Variants in HFE observed in about 807,000 individuals in gnomAD.
HFE encodes hereditary hemochromatosis protein.
HFE carries 36 observed loss-of-function variants against 40.9 expected under a neutral mutation model. The observed-to-expected ratio is 0.88, with a 90% CI of 0.67 to 1.16. The LOEUF is 1.16. HFE is among the 50% of genes most tolerant of loss of function. HFE has a pLI of 0.00. For missense variants in HFE, 376 were observed against 432.0 expected (o/e 0.87, Z 1.15); for synonymous variants, 157 against 165.4 (o/e 0.95, Z 0.39).
Position 26,092,674 on chromosome 6 carries a change from T to C in HFE, c.617-11T>C. On this transcript the variant is annotated splice_polypyrimidine_tract_variant and intron_variant, in intron 3 of 5. Transcript: ENST00000357618. Reference sequence around the variant, plus strand: ...GATCCCCTCTCCTCATCCTTCCTCTTTCCTGTCAAGTGCCTCCTTTGGTGA... The same window carrying C: ...GATCCCCTCTCCTCATCCTTCCTCTCTCCTGTCAAGTGCCTCCTTTGGTGA... 3.7e-6 allele frequency: 6 copies of C among 1,614,182 alleles called. No homozygotes were observed. Among genetic ancestry groups the C allele is most frequent in the Non-Finnish European group, 5.1e-6 (6 of 1,180,016 alleles).
chr6:26,094,310 A>G lies in HFE; in HGVS notation c.*84A>G. 1 of 1,271,798 alleles carries G rather than the reference A, an allele frequency of 7.9e-7. No individual in the cohort carries two copies. Among genetic ancestry groups the G allele is most frequent in the South Asian group, 1.2e-5 (1 of 83,262 alleles). 78.8% of individuals were successfully genotyped at this position (1,271,798 alleles called of 1,614,324 possible). A position where few individuals can be genotyped will look rare whatever the true frequency, so the allele number is the denominator to read the frequency against. ...TGCATTTATGAGCTCTTCATGTTTCAGGAGAGAGTTGAACCTAAACATAGA... is the reference window on the plus strand; with the variant it reads ...TGCATTTATGAGCTCTTCATGTTTCGGGAGAGAGTTGAACCTAAACATAGA... On this transcript the variant is annotated 3_prime_UTR_variant, in exon 6 of 6. Transcript: ENST00000357618.
chr6:26,092,531 A>C (rs1418884435), intron 3 of HFE, 154 bp from the exon 4 acceptor site: 1 of 1,344,146 alleles, frequency 7.4e-7, no homozygotes, highest in Non-Finnish European at 1.0e-6. Context: ...GTTAGAGTCC[A>C]ATCTTAGGAC....
Position 26,094,533 on chromosome 6 carries a change from T to C in HFE, c.*307T>C. On this transcript the variant is annotated 3_prime_UTR_variant, in exon 6 of 6. Transcript: ENST00000357618. Reference sequence around the variant, plus strand: ...GTCACCTCAGAGACATACACCTATGTCATTTCATTTCCTATTTTTGGAAGA... The same window carrying C: ...GTCACCTCAGAGACATACACCTATGCCATTTCATTTCCTATTTTTGGAAGA... The C allele has an allele frequency of 3.0e-6, 2 of 677,292 alleles. No individual in the cohort carries two copies. The highest frequency in any genetic ancestry group is 1.6e-5 in the South Asian group (1 of 63,196). 42.0% of individuals were successfully genotyped at this position (677,292 alleles called of 1,614,324 possible).
At position 26,091,521 on chromosome 6, in the gene HFE, T is replaced by C. The variant is rs199916850; in HGVS notation, c.548T>C (p.Leu183Pro). 1.6e-5 allele frequency: 26 copies of C among 1,614,020 alleles called. 1 individual carries two copies. Among genetic ancestry groups the C allele is most frequent in the Non-Finnish European group, 2.1e-5 (25 of 1,179,966 alleles). The change falls in exon 3 of 6, where the codon CTG (leucine) becomes CCG (proline). Residue 183 changes from leucine (L) to proline (P), a missense_variant. This residue lies in a region of HFE where 200 missense variants were observed against 228.5 expected (regional missense o/e 0.88). Coordinates refer to ENST00000357618, the MANE Select transcript of HFE (RefSeq NM_000410.4). ...CGGGCCAGGCAGAACAGGGCCTACC[T>C]GGAGAGGGACTGCCCTGCACAGCTG... ...KIRARQNRAY[L>P]ERDCPAQLQQ...
At chr6:26,090,317 C>T (rs1014000559) in intron 1 of HFE, among the ~76,000 whole-genome samples, 1 of 151,886 alleles carries the variant, frequency 6.6e-6, no homozygotes, top group African/African-American at 2.4e-5. Flanking sequence ...GTGGCGCACG[C>T]CTATAGTCCC....
chr6:26,091,907 G>A (rs754988740), intron 3 of HFE, among the ~76,000 whole-genome samples: 30 of 151,940 alleles, frequency 2.0e-4, no homozygotes, highest in Non-Finnish European at 3.2e-4. Context: ...GGCCGGGCAC[G>A]GTGGCTCACC....
At chr6:26,091,671 T>G in intron 3 of HFE, 82 bp downstream of exon 3, 1 of 1,477,710 alleles carries the variant, frequency 6.8e-7, no homozygotes, top group Non-Finnish European at 9.3e-7. Flanking sequence ...CTGGTTGGAG[T>G]TTCAGAGGTG....
intron 1 of HFE, among the ~76,000 whole-genome samples, chr6:26,090,442 CAAAAAAAA>C (rs56267433): frequency 7.6e-4 from 28 of 36,718 alleles, no homozygotes; most frequent in South Asian, 4.0e-3. Flanking sequence ...GACTCTGTCT[CAAAAAAAA>C]AAAAAAAAAA....
chr6:26,087,629 A>G, intron 1 of HFE, 113 bp downstream of exon 1: 1 of 827,038 alleles, frequency 1.2e-6, no homozygotes, highest in Non-Finnish European at 1.9e-6. Context: ...GCTCAACCCT[A>G]TCCGCAAGCC....
At chr6:26,088,175 GTA>G (rs1762422203) in intron 1 of HFE, among the ~76,000 whole-genome samples, 1 of 152,220 alleles carries the variant, frequency 6.6e-6, no homozygotes, top group Non-Finnish European at 1.5e-5. Context: ...GGAAAATTAA[GTA>G]TATGTTAGTT....
At chr6:26,088,220 G>A (rs1407176149) in intron 1 of HFE, among the ~76,000 whole-genome samples, 1 of 152,118 alleles carries the variant, frequency 6.6e-6, no homozygotes, top group Non-Finnish European at 1.5e-5. Context: ...TCTCTTTTCG[G>A]CTAGGCTTTA....
In HFE at chr6:26,094,344, G is replaced by A; in HGVS notation, c.*118G>A. 1 of 938,524 alleles carries A rather than the reference G, an allele frequency of 1.1e-6. No individual in the cohort carries two copies. The highest frequency in any genetic ancestry group is 1.7e-6 in the Non-Finnish European group (1 of 587,564). The allele number at this position is 938,524 out of a possible 1,614,324, so 58.1% of individuals were successfully genotyped here. A position where few individuals can be genotyped will look rare whatever the true frequency, so the allele number is the denominator to read the frequency against. On this transcript the variant is annotated 3_prime_UTR_variant, in exon 6 of 6. Transcript: ENST00000357618. ...TTGAACCTAAACATAGAAATTGCCT[G>A]ACGAACTCCTTGATTTTAGCCTTCT... is the stretch of plus-strand genomic sequence containing the variant.
At position 26,091,344 on chromosome 6, in the gene HFE, G is replaced by A. The variant is rs746020084; in HGVS notation, c.371G>A (p.Cys124Tyr). The A allele has an allele frequency of 3.1e-6, 5 of 1,614,190 alleles. No homozygotes were observed. Among genetic ancestry groups the A allele is most frequent in the Admixed American group, 1.7e-5 (1 of 60,016 alleles). The change falls in exon 3 of 6, where the codon TGT becomes TAT. Residue 124 changes from cysteine to tyrosine, a missense_variant. Cys to Tyr is a radical substitution (Grantham distance 194). This residue lies in a region of HFE where 200 missense variants were observed against 228.5 expected (regional missense o/e 0.88). Coordinates refer to ENST00000357618, the MANE Select transcript of HFE (RefSeq NM_000410.4). ...CACACCCTGCAGGTCATCCTGGGCT[G>A]TGAAATGCAAGAAGACAACAGTACC... Reference protein sequence around the residue: ...ESHTLQVILGCEMQEDNSTEG... With the variant: ...ESHTLQVILGYEMQEDNSTEG...
chr6:26,088,584 C>T (rs1032092203), intron 1 of HFE, among the ~76,000 whole-genome samples: 5 of 152,204 alleles, frequency 3.3e-5, no homozygotes, highest in South Asian at 2.1e-4. Flanking sequence ...TTTGGTACTA[C>T]GTGTATCCAC....
chr6:26,096,558 A>G lies in HFE; in HGVS notation c.*2332A>G, dbSNP rs1278645911. 2.2e-6 allele frequency: 1 copy of G among 456,526 alleles called. No individual in the cohort carries two copies. Among genetic ancestry groups the G allele is most frequent in the Admixed American group, 2.3e-5 (1 of 42,578 alleles). 28.3% of individuals were successfully genotyped at this position (456,526 alleles called of 1,614,324 possible). On this transcript the variant is annotated 3_prime_UTR_variant, in exon 6 of 6. Coordinates refer to ENST00000357618, the MANE Select transcript of HFE (RefSeq NM_000410.4). The stretch of plus-strand genomic sequence containing the variant: ...AAGGGCAGGTGCTTCAGGATACCAT[A>G]TACAGCTCAGAAGTTTCTTCTTTAG...
Position 26,091,002 on chromosome 6 carries a change from T to G in HFE, c.238T>G (p.Ser80Ala), listed in dbSNP as rs1762659955. ...PRTPWVSSRI[S>A]SQMWLQLSQS... ...AACTCCATGGGTTTCCAGTAGAATT[T>G]CAAGCCAGATGTGGCTGCAGCTGAG... The change falls in exon 2 of 6, where the codon TCA becomes GCA. Residue 80 changes from serine (S) to alanine (A), a missense_variant. Ser to Ala is a moderately conservative substitution (Grantham distance 99). This residue lies in a region of HFE where 200 missense variants were observed against 228.5 expected (regional missense o/e 0.88). Coordinates refer to ENST00000357618, the MANE Select transcript of HFE (RefSeq NM_000410.4). 1 of 1,614,076 alleles carries G rather than the reference T, an allele frequency of 6.2e-7. No individual in the cohort carries two copies. The highest frequency in any genetic ancestry group is 1.7e-5 in the Admixed American group (1 of 60,008).
chr6:26,089,137 A>AGGGGGGGG (rs1325415029), intron 1 of HFE, among the ~76,000 whole-genome samples: 1 of 62,632 alleles, frequency 1.6e-5, no homozygotes, highest in Non-Finnish European at 3.2e-5. Context: ...GGGGGTGGGA[A>AGGGGGGGG]GGGGGACTAC....
chr6:26,095,506 A>G lies in HFE; in HGVS notation c.*1280A>G, dbSNP rs1762989457. On this transcript the variant is annotated 3_prime_UTR_variant, in exon 6 of 6. Transcript: ENST00000357618. ...TCCATCTCAAAAAAATAAAAATAAA[A>G]ATAAAAAAATGAAAAAAAAAAGAAA... The G allele has an allele frequency of 8.1e-6, 1 of 122,880 alleles. No individual in the cohort carries two copies. The highest frequency in any genetic ancestry group is 8.6e-5 in the Admixed American group (1 of 11,682). The allele number at this position is 122,880 out of a possible 1,614,324, so 7.6% of individuals were successfully genotyped here.
At chr6:26,087,997 C>A (rs1195427724) in intron 1 of HFE, among the ~76,000 whole-genome samples, 1 of 152,152 alleles carries the variant, frequency 6.6e-6, no homozygotes, top group African/African-American at 2.4e-5. Flanking sequence ...CACCTCAGAA[C>A]GAATGCGTTG....
Sources: gnomAD v4.1 joint callset for allele counts (sites outside exome capture counted in the v4.1 genomes callset) on GRCh38, gnomAD v4.1.1 for gene constraint, gnomAD v4.1.1 regional missense constraint, MANE v1.5 for transcripts, NCBI Gene and HGNC (gene_info 2026-07-23, HGNC 2026-07-21) for gene names.